The following COL4A3 variants were observed in gnomAD, a reference collection of about 807,000 sequenced individuals.
COL4A3 encodes collagen alpha-3(IV) chain.
A neutral mutation model predicts 217.4 loss-of-function variants in COL4A3; 135 were observed. The observed-to-expected ratio is 0.62, with a 90% CI of 0.54 to 0.72. COL4A3 has a LOEUF of 0.72. Ranked by LOEUF, COL4A3 falls within the 30% of genes least tolerant of loss-of-function variation. The pLI is 0.00. For missense variants in COL4A3, 1,868 were observed against 2,119.9 expected, an observed-to-expected ratio of 0.88 and a Z score of 2.33; for synonymous variants, 690 against 736.3, an observed-to-expected ratio of 0.94 and a Z score of 1.02.
intron 35 of COL4A3, 33 bp from the exon 36 acceptor site, chr2:227,289,966 G>A: frequency 6.3e-7 from 1 of 1,591,598 alleles, no homozygotes; most frequent in Non-Finnish European, 8.6e-7. Context: ...TCCAGGAACT[G>A]TGCAGGGCAA....
intron 2 of COL4A3, chr2:227,238,296 G>T (rs899095943): frequency 3.3e-6 from 1 of 307,292 alleles, no homozygotes; most frequent in Non-Finnish European, 6.2e-6. Context: ...AAAAGAAAAA[G>T]AAAGTTTATG....
chr2:227,208,468 T>C (rs2067184896), intron 1 of COL4A3, among the ~76,000 whole-genome samples: 1 of 151,942 alleles, frequency 6.6e-6, no homozygotes, highest in African/African-American at 2.4e-5. Flanking sequence ...TCCAACCCAG[T>C]TGTACCAATG....
Position 227,256,022 on chromosome 2 carries a change from G to A in COL4A3, c.889-4G>A. 1.9e-6 allele frequency: 3 copies of A among 1,613,778 alleles called. No homozygotes were observed. Among genetic ancestry groups the A allele is most frequent in the South Asian group, 1.1e-5 (1 of 91,070 alleles). On this transcript the variant is annotated splice_polypyrimidine_tract_variant and splice_region_variant and intron_variant, in intron 15 of 51. Transcript: ENST00000396578. ...TTCATGTTTTTGATTTGTTTTTGCT[G>A]TAGGGAAAACCCGGAAAAGATGGTG...
intron 30 of COL4A3, 52 bp from the exon 31 acceptor site, chr2:227,280,841 C>G: frequency 7.5e-7 from 1 of 1,339,248 alleles, no homozygotes; most frequent in Non-Finnish European, 1.0e-6. Flanking sequence ...TACAGCAATA[C>G]CAAGACCTTA....
intron 1 of COL4A3, among the ~76,000 whole-genome samples, chr2:227,190,296 A>G (rs1433079089): frequency 3.9e-5 from 6 of 152,230 alleles, no homozygotes; most frequent in Non-Finnish European, 5.9e-5. Context: ...TGCCTGCTCC[A>G]TGATACTATA....
chr2:227,212,882 G>C (rs1275671742), intron 1 of COL4A3, among the ~76,000 whole-genome samples: 1 of 152,192 alleles, frequency 6.6e-6, no homozygotes, highest in Non-Finnish European at 1.5e-5. Context: ...AAGCAGTTGA[G>C]AGGTTTCAAA....
chr2:227,232,650 T>C (rs1364775562), intron 1 of COL4A3, among the ~76,000 whole-genome samples: 4 of 152,342 alleles, frequency 2.6e-5, no homozygotes, highest in Non-Finnish European at 1.5e-5. Context: ...TTCATATGCC[T>C]GTTTGCTATC....
intron 1 of COL4A3, among the ~76,000 whole-genome samples, chr2:227,173,044 G>A (rs1033792487): frequency 2.0e-5 from 3 of 152,140 alleles, no homozygotes; most frequent in African/African-American, 7.2e-5. Context: ...CTTTCAGTCC[G>A]TAACATTCTG....
At chr2:227,272,434 G>A (rs1424262884) in intron 25 of COL4A3, among the ~76,000 whole-genome samples, 1 of 152,158 alleles carries the variant, frequency 6.6e-6, no homozygotes, top group Non-Finnish European at 1.5e-5. Flanking sequence ...AAATTATTTT[G>A]TCAAATTCAA....
intron 1 of COL4A3, among the ~76,000 whole-genome samples, chr2:227,183,423 G>C (rs562700521): frequency 6.6e-6 from 1 of 152,182 alleles, no homozygotes; most frequent in African/African-American, 2.4e-5. Context: ...AAGGAGCAGT[G>C]CAGACCAGAA....
intron 33 of COL4A3, 28 bp downstream of exon 33, chr2:227,283,884 G>A: frequency 6.5e-7 from 1 of 1,543,044 alleles, no homozygotes; most frequent in Non-Finnish European, 9.0e-7. Context: ...TTTCTAAATA[G>A]CAGGAAGCAT....
intron 36 of COL4A3, 137 bp downstream of exon 36, chr2:227,290,225 C>T (rs2072603142): frequency 1.5e-5 from 12 of 804,068 alleles, no homozygotes; most frequent in Middle Eastern, 3.2e-4. Flanking sequence ...GGGCCGGGCA[C>T]GGTGGCTCAT....
intron 18 of COL4A3, among the ~76,000 whole-genome samples, chr2:227,258,790 A>G (rs2070359663): frequency 6.6e-6 from 1 of 152,240 alleles, no homozygotes; most frequent in African/African-American, 2.4e-5. Context: ...TGGAGTTGCC[A>G]GGAAGATTAA....
At chr2:227,308,022 G>C (rs2073585380) in intron 48 of COL4A3, 103 bp downstream of exon 48, 1 of 967,184 alleles carries the variant, frequency 1.0e-6, no homozygotes, top group Admixed American at 1.9e-5. Flanking sequence ...AAATAACCTT[G>C]AGTGTCTCCT....
intron 1 of COL4A3, among the ~76,000 whole-genome samples, chr2:227,175,019 G>A (rs1000001354): frequency 3.3e-5 from 5 of 152,156 alleles, no homozygotes; most frequent in Non-Finnish European, 7.3e-5. Flanking sequence ...TGATGGAGAA[G>A]GAGACTTTTT....
chr2:227,301,237 G>A (rs1026096944), intron 43 of COL4A3, among the ~76,000 whole-genome samples: 2 of 152,142 alleles, frequency 1.3e-5, no homozygotes, highest in African/African-American at 4.8e-5. Context: ...CAGCCATTTT[G>A]TCCACAAAAA....
chr2:227,282,163 T>C lies in COL4A3; in HGVS notation c.2489-202T>C, dbSNP rs1173420884. On this transcript the variant is annotated intron_variant, in intron 31 of 51. Coordinates refer to ENST00000396578, the MANE Select transcript of COL4A3 (RefSeq NM_000091.5). The surrounding 1 kb of genome is among the most constrained non-coding windows in gnomAD (Gnocchi z 4.4). ...GGTGCACGCCTGTAGTCCCAGCTAT[T>C]TGGGAGGCTGACGCAGGAGAATCAC... is the stretch of plus-strand genomic sequence containing the variant. 1.3e-5 allele frequency among the ~76,000 whole-genome samples: 2 copies of C among 151,690 alleles called. No individual in the cohort carries two copies. Among genetic ancestry groups the C allele is most frequent in the African/African-American group, 4.8e-5 (2 of 41,246 alleles).
At position 227,247,584 on chromosome 2, in the gene COL4A3, G is replaced by C; in HGVS notation, c.468G>C (p.Lys156Asn). Residue 156 changes from lysine (K) to asparagine (N), a missense_variant and splice_region_variant, in exon 8 of 52, where the codon AAG becomes AAC. Physicochemically the swap from Lys to Asn is moderately conservative, Grantham distance 94. Around this residue, in one of 2 missense-constraint regions of COL4A3, gnomAD observed 365 missense variants for 333.8 expected, o/e 1.09. Coordinates refer to ENST00000396578, the MANE Select transcript of COL4A3 (RefSeq NM_000091.5). ...GTGCTGCTGGTTTGAAAGGACAAAA[G>C]GTAAGTCATTGGTGGAATGCTGTCA... ...IPGAAGLKGQ[K>N]GAPAKEEDIE... The C allele has an allele frequency of 6.2e-7, 1 of 1,613,956 alleles. No homozygotes were observed. The highest frequency in any genetic ancestry group is 8.5e-7 in the Non-Finnish European group (1 of 1,179,934).
At position 227,293,232 on chromosome 2, in the gene COL4A3, A is replaced by T. The variant is rs766420056; in HGVS notation, c.3252A>T (p.Glu1084Asp). 49 of 1,613,866 alleles carry T rather than the reference A, an allele frequency of 3.0e-5. No homozygotes were observed. Among genetic ancestry groups the T allele is most frequent in the Non-Finnish European group, 4.1e-5 (48 of 1,180,036 alleles). ...CGGGTGATATGGGAAAGAAAGGAGA[A>T]ATGGGGCAACCTGGCCCACCTGGAC... ...GLPGDMGKKG[E>D]MGQPGPPGHL... The change falls in exon 38 of 52, where the codon GAA (glutamate) becomes GAT (aspartate). Residue 1084 changes from glutamate (E) to aspartate (D), a missense_variant. By Grantham distance (45) the Glu-to-Asp change is conservative. This residue lies in a region of COL4A3 where 1,503 missense variants were observed against 1,786.1 expected (regional missense o/e 0.84). Coordinates refer to ENST00000396578, the MANE Select transcript of COL4A3 (RefSeq NM_000091.5).
Sources: gnomAD v4.1 joint callset for allele counts (sites outside exome capture counted in the v4.1 genomes callset) on GRCh38, gnomAD v4.1.1 for gene constraint, gnomAD v4.1.1 regional missense constraint, Gnocchi (gnomAD v3.1) non-coding constraint, MANE v1.5 for transcripts, NCBI Gene and HGNC (gene_info 2026-07-23, HGNC 2026-07-21) for gene names.